Variants in C1GALT1 observed in about 807,000 individuals in gnomAD.
C1GALT1 encodes the protein glycoprotein-N-acetylgalactosamine 3-beta-galactosyltransferase 1.
C1GALT1 carries 11 observed loss-of-function variants against 31.0 expected under a neutral mutation model. That is an observed-to-expected ratio of 0.36 (90% CI 0.22 to 0.59). The LOEUF is 0.59. Ranked by LOEUF, C1GALT1 falls within the 20% of genes least tolerant of loss-of-function variation. The pLI, the probability that C1GALT1 is intolerant of heterozygous loss-of-function variation, is 0.79. For synonymous variants in C1GALT1, 175 were observed against 143.6 expected (o/e 1.22, Z -1.56); for missense variants, 424 against 425.2 (o/e 1.00, Z 0.03).
At chr7:7,221,656 A>C (rs945794114) in intron 1 of C1GALT1, among the ~76,000 whole-genome samples, 1 of 152,204 alleles carries the variant, frequency 6.6e-6, no homozygotes, top group African/African-American at 2.4e-5. Flanking sequence ...ATATTGCTCA[A>C]CCTCTTAGGA....
intron 2 of C1GALT1, among the ~76,000 whole-genome samples, chr7:7,166,683 T>C (rs886500715): frequency 3.9e-5 from 6 of 152,212 alleles, no homozygotes; most frequent in Admixed American, 1.3e-4. Flanking sequence ...TTGAAATCCG[T>C]GTTATACTAT....
chr7:7,193,521 A>G (rs1049533519), intron 1 of C1GALT1, among the ~76,000 whole-genome samples: 1 of 152,056 alleles, frequency 6.6e-6, no homozygotes, highest in Non-Finnish European at 1.5e-5. Flanking sequence ...CTATGTGCCT[A>G]TTTTTATACC....
intron 2 of C1GALT1, among the ~76,000 whole-genome samples, chr7:7,163,838 C>T (rs1780364265): frequency 6.6e-6 from 1 of 151,852 alleles, no homozygotes; most frequent in African/African-American, 2.4e-5. Context: ...AATGGAAGAA[C>T]ATTCCATGCT....
In C1GALT1 at chr7:7,238,879, G is replaced by A. The variant is rs781503609; in HGVS notation, c.845G>A (p.Arg282Lys). The part of the protein sequence containing the change: ...EHHLIKGYLP[R>K]TFWYWNYNYY... ...CATTTAATTAAAGGTTATCTACCTA[G>A]AACGTTTTGGTACTGGAATTACAAC... The change falls in exon 3 of 4, where the codon AGA becomes AAA. Residue 282 changes from arginine to lysine, a missense_variant. Coordinates refer to ENST00000436587, the MANE Select transcript of C1GALT1 (RefSeq NM_020156.5). The surrounding 1 kb of genome is among the most constrained non-coding windows in gnomAD (Gnocchi z 5.2). The A allele has an allele frequency of 2.5e-6, 4 of 1,613,472 alleles. No homozygotes were observed. The highest frequency in any genetic ancestry group is 3.4e-6 in the Non-Finnish European group (4 of 1,179,800).
intron 2 of C1GALT1, among the ~76,000 whole-genome samples, chr7:7,172,959 C>G (rs531025590): frequency 9.2e-5 from 14 of 152,326 alleles, no homozygotes; most frequent in African/African-American, 2.9e-4. Flanking sequence ...TATGCTCCAC[C>G]TATTCATCAT....
chr7:7,217,811 C>T (rs1782314777), intron 1 of C1GALT1, among the ~76,000 whole-genome samples: 1 of 152,178 alleles, frequency 6.6e-6, no homozygotes, highest in South Asian at 2.1e-4. Context: ...TCTGGGATTA[C>T]AGGCATGAGC....
At chr7:7,233,371 C>T (rs1019483692) in intron 1 of C1GALT1, among the ~76,000 whole-genome samples, 1 of 152,126 alleles carries the variant, frequency 6.6e-6, no homozygotes, top group Non-Finnish European at 1.5e-5. Flanking sequence ...TCAAGTGATT[C>T]TCCCACCTTA....
upstream of C1GALT1, chr7:7,182,488 G>T (rs922930527): frequency 6.6e-6 from 1 of 152,158 alleles, no homozygotes; most frequent in Non-Finnish European, 1.5e-5. Flanking sequence ...CCCGCCCACC[G>T]CCCCTCCCGC....
At chr7:7,159,486 GAA>G (rs2128226200) in intron 2 of C1GALT1, among the ~76,000 whole-genome samples, 1 of 152,150 alleles carries the variant, frequency 6.6e-6, no homozygotes, top group East Asian at 1.9e-4. Flanking sequence ...AAGCGGAAGA[GAA>G]AGAGAAAGGA....
At chr7:7,228,034 C>G (rs1051388511) in intron 1 of C1GALT1, among the ~76,000 whole-genome samples, 22 of 152,184 alleles carry the variant, frequency 1.4e-4, no homozygotes, top group Non-Finnish European at 2.8e-4. Flanking sequence ...GTGTGACTCT[C>G]TGTGTCTGAA....
chr7:7,217,967 G>C (rs1782324037), intron 1 of C1GALT1, among the ~76,000 whole-genome samples: 7 of 152,196 alleles, frequency 4.6e-5, no homozygotes, highest in Admixed American at 4.6e-4. Context: ...GTTAGATACT[G>C]GTGAGAGAAA....
intron 1 of C1GALT1, among the ~76,000 whole-genome samples, chr7:7,194,040 A>T (rs1019190059): frequency 6.6e-6 from 1 of 151,956 alleles, no homozygotes; most frequent in African/African-American, 2.4e-5. Context: ...CTGAAACTTT[A>T]CTGAATTCAT....
Position 7,198,051 on chromosome 7 carries a change from G to A in C1GALT1, c.-18+15231G>A, listed in dbSNP as rs1156557883. On this transcript the variant is annotated intron_variant, in intron 1 of 3. Coordinates refer to ENST00000436587, the MANE Select transcript of C1GALT1 (RefSeq NM_020156.5). ...TTTCTTTCTCTTGCCTGATTGCCCT[G>A]GCCAGAACTTCCAACACTATGTTGA... 3.3e-5 allele frequency among the ~76,000 whole-genome samples: 5 copies of A among 152,084 alleles called. No homozygotes were observed. In the East Asian group the frequency reaches 5.8e-4, roughly 18 times the overall value.
In C1GALT1 at chr7:7,207,335, C is replaced by CTTTTTTTTTTTTTTTTTTTTTTTTT. The variant is rs57510429; in HGVS notation, c.-18+24521_-18+24545dup. On this transcript the variant is annotated intron_variant, in intron 1 of 3. Coordinates refer to ENST00000436587, the MANE Select transcript of C1GALT1 (RefSeq NM_020156.5). ...TCTCTGTGTTTCTCTTACTCTGTTG[C>CTTTTTTTTTTTTTTTTTTTTTTTTT]TTTTTTTTTTTTTTTTTTTTTTTTT... Among the ~76,000 whole-genome samples the CTTTTTTTTTTTTTTTTTTTTTTTTT allele has an allele frequency of 1.2e-3, 59 of 48,008 alleles. 24 individuals carry two copies. The highest frequency in any genetic ancestry group is 1.6e-3 in the Non-Finnish European group (42 of 26,072). The allele number at this position is 48,008 out of a possible 152,430, so 31.5% of individuals were successfully genotyped here.
At chr7:7,183,870 T>C (rs559863502) in intron 1 of C1GALT1, among the ~76,000 whole-genome samples, 2 of 152,330 alleles carry the variant, frequency 1.3e-5, no homozygotes, top group East Asian at 1.9e-4. Flanking sequence ...TTAAAAGTTA[T>C]AAATTTAGAA....
intron 2 of C1GALT1, among the ~76,000 whole-genome samples, chr7:7,172,388 C>T (rs146106256): frequency 0.022 from 3,318 of 152,170 alleles, 117 homozygotes; most frequent in African/African-American, 0.075. Flanking sequence ...TCTCTCTCTA[C>T]CTCTGGCTTT....
At chr7:7,219,584 TAAA>T (rs1347262820) in intron 1 of C1GALT1, among the ~76,000 whole-genome samples, 4 of 152,174 alleles carry the variant, frequency 2.6e-5, no homozygotes, top group Non-Finnish European at 4.4e-5. Context: ...CCTACATAAA[TAAA>T]AACTATTTGG....
At chr7:7,206,362 T>C (rs1433320060) in intron 1 of C1GALT1, among the ~76,000 whole-genome samples, 1 of 152,128 alleles carries the variant, frequency 6.6e-6, no homozygotes, top group Non-Finnish European at 1.5e-5. Context: ...AATTTTGCTC[T>C]ACAGAGCAGG....
intron 3 of C1GALT1, among the ~76,000 whole-genome samples, chr7:7,239,592 AGTT>A (rs748400677): frequency 5.9e-5 from 9 of 152,220 alleles, no homozygotes; most frequent in Non-Finnish European, 4.4e-5. Context: ...TGTCTTATTT[AGTT>A]GTTGTAATTA....
Sources: allele counts gnomAD v4.1 joint callset (sites outside exome capture counted in the v4.1 genomes callset), GRCh38; gene constraint gnomAD v4.1.1; non-coding constraint Gnocchi (gnomAD v3.1); transcripts MANE v1.5; gene names NCBI Gene and HGNC (gene_info 2026-07-23, HGNC 2026-07-21).